Variants in ZBTB25 observed in about 807,000 individuals in gnomAD.
The protein encoded by ZBTB25 is zinc finger and BTB domain-containing protein 25.
A neutral mutation model predicts 34.2 loss-of-function variants in ZBTB25; 20 were observed. The observed-to-expected ratio is 0.58, with a 90% confidence interval of 0.41 to 0.85. The LOEUF (loss-of-function observed/expected upper bound fraction) is 0.85, where lower values mean the gene tolerates loss of function less well. Among genes scored for constraint, ZBTB25 ranks in the 40% least tolerant of loss-of-function variants. The pLI is 0.00. For synonymous variants in ZBTB25, 175 were observed against 186.4 expected, an observed-to-expected ratio of 0.94 and a Z score of 0.50; for missense variants, 437 against 521.8, an observed-to-expected ratio of 0.84 and a Z score of 1.58.
At chr14:64,458,417 ATTTCT>A (rs2078509417) in intron 2 of ZBTB25, 4 of 806,194 alleles carry the variant, frequency 5.0e-6, no homozygotes, top group South Asian at 2.8e-5. Context: ...CTTTCAAAAC[ATTTCT>A]TTTCAGACTT....
chr14:64,490,621 G>A (rs1356647744), intron 1 of ZBTB25, 81 bp from the exon 2 acceptor site: 2 of 1,295,576 alleles, frequency 1.5e-6, no homozygotes, highest in Non-Finnish European at 2.1e-6. Context: ...ATTGTCTACA[G>A]TTCACACAAA....
chr14:64,487,985 C>T lies in ZBTB25; in HGVS notation c.246G>A (p.Thr82=), dbSNP rs147617886. 4,427 of 1,614,110 alleles carry T rather than the reference C, an allele frequency of 2.7e-3. 12 individuals are homozygous for T. Among genetic ancestry groups the T allele is most frequent in the Non-Finnish European group, 3.3e-3 (3,907 of 1,180,024 alleles). ...CCACAATCTGTTTTGGCCCTTTCCC[C>T]GTGTACATAATGTGCAACAAATAGC... ...IFSYLLHIMY[T]GKGPKQIVDH... The change falls in exon 3 of 3, where the codon ACG becomes ACA. Residue 82 remains threonine (T), a synonymous_variant. Coordinates refer to ENST00000608382, the MANE Select transcript of ZBTB25 (RefSeq NM_006977.5).
chr14:64,465,025 C>T (rs557078008), intron 2 of ZBTB25, among the ~76,000 whole-genome samples: 1 of 152,200 alleles, frequency 6.6e-6, no homozygotes, highest in Non-Finnish European at 1.5e-5. Flanking sequence ...ATGTAATTTT[C>T]GCTTCAAACA....
chr14:64,496,791 T>G (rs1261360843), intron 1 of ZBTB25, among the ~76,000 whole-genome samples: 1 of 152,222 alleles, frequency 6.6e-6, no homozygotes, highest in East Asian at 1.9e-4. Flanking sequence ...TGAGAATCTG[T>G]TCTTACATAA....
At chr14:64,477,482 C>A, downstream of ZBTB25, among the ~76,000 whole-genome samples, 1 of 152,164 alleles carries the variant, frequency 6.6e-6, no homozygotes, top group East Asian at 1.9e-4. Flanking sequence ...CACCACCAGA[C>A]AGCACACATG....
intron 2 of ZBTB25, chr14:64,455,318 T>C (rs1566579305): frequency 1.2e-5 from 2 of 168,498 alleles, no homozygotes; most frequent in African/African-American, 4.8e-5. Flanking sequence ...AGGGGGTTCA[T>C]TATTTTTAAG....
intron 1 of ZBTB25, among the ~76,000 whole-genome samples, chr14:64,496,880 T>A (rs1412495742): frequency 6.6e-6 from 1 of 152,182 alleles, no homozygotes; most frequent in Non-Finnish European, 1.5e-5. Context: ...ACACTATCTT[T>A]TTTTCTTTTA....
intron 1 of ZBTB25, among the ~76,000 whole-genome samples, chr14:64,497,649 A>C (rs776774564): frequency 3.3e-5 from 5 of 152,178 alleles, no homozygotes; most frequent in Non-Finnish European, 7.3e-5. Flanking sequence ...GATTGTAGTA[A>C]CTCTGGATTA....
At chr14:64,457,230 A>G (rs1422161636) in intron 2 of ZBTB25, among the ~76,000 whole-genome samples, 1 of 152,202 alleles carries the variant, frequency 6.6e-6, no homozygotes, top group Non-Finnish European at 1.5e-5. Flanking sequence ...TCAGCTAGCA[A>G]GACTGAACGA....
At chr14:64,476,284 A>C (rs927685015), downstream of ZBTB25, among the ~76,000 whole-genome samples, 1 of 152,272 alleles carries the variant, frequency 6.6e-6, no homozygotes, top group African/African-American at 2.4e-5. Flanking sequence ...TAAGAACTTT[A>C]GAATATCACT....
At chr14:64,496,908 G>A (rs1347396641) in intron 1 of ZBTB25, among the ~76,000 whole-genome samples, 1 of 152,154 alleles carries the variant, frequency 6.6e-6, no homozygotes, top group African/African-American at 2.4e-5. Context: ...TGAGGTAGTA[G>A]AGCAGGTACT....
chr14:64,473,700 A>G (rs747117035), downstream of ZBTB25: 5 of 167,024 alleles, frequency 3.0e-5, no homozygotes, highest in African/African-American at 7.2e-5. Flanking sequence ...TGTCAACTTT[A>G]TTGAAATATG....
rs766459062 is a variant in ZBTB25 at position 64,478,720 on chromosome 14, C to A, written c.*8203G>T. 7 of 152,164 alleles carry A rather than the reference C, an allele frequency of 4.6e-5. No individual in the cohort carries two copies. Among genetic ancestry groups the A allele is most frequent in the Admixed American group, 2.6e-4 (4 of 15,282 alleles). 9.4% of individuals were successfully genotyped at this position (152,164 alleles called of 1,614,324 possible). On this transcript the variant is annotated 3_prime_UTR_variant, in exon 3 of 3. Transcript: ENST00000608382. ...AGAGGGATGTCAAGATATTGCAGTA[C>A]CTTATGAAATTTTAAGAAAATTCTC...
chr14:64,449,711 C>T (rs1297481862), intron 2 of ZBTB25: 1 of 1,455,984 alleles, frequency 6.9e-7, no homozygotes, highest in Non-Finnish European at 9.4e-7. Context: ...GAGCCCCATG[C>T]TTCGCAGCTT....
Position 64,502,930 on chromosome 14 carries a change from C to T in ZBTB25, c.-8+731G>A, listed in dbSNP as rs545709158. On this transcript the variant is annotated intron_variant, in intron 1 of 2. Coordinates refer to ENST00000608382, the MANE Select transcript of ZBTB25 (RefSeq NM_006977.5). The stretch of plus-strand genomic sequence containing the variant: ...CAGAATCTTGTGAGAGGATCAACAG[C>T]TCTGCCAGGACTTGAGTCTCAAGAG... The T allele has an allele frequency of 2.8e-5, 28 of 985,458 alleles. No homozygotes were observed. The South Asian group carries it at 1.2e-3, about 43-fold the overall frequency. 61.0% of individuals were successfully genotyped at this position (985,458 alleles called of 1,614,324 possible). A position where few individuals can be genotyped will look rare whatever the true frequency, so the allele number is the denominator to read the frequency against.
At chr14:64,451,324 G>A (rs2078369251) in intron 2 of ZBTB25, among the ~76,000 whole-genome samples, 1 of 152,024 alleles carries the variant, frequency 6.6e-6, no homozygotes, top group Non-Finnish European at 1.5e-5. Context: ...GCCTGGCCTG[G>A]CTTGGTTTTT....
chr14:64,471,992 C>G (rs977306774), intron 2 of ZBTB25: 2 of 166,252 alleles, frequency 1.2e-5, no homozygotes, highest in Non-Finnish European at 2.9e-5. Context: ...AAAAATATTT[C>G]CCCCAGATTT....
chr14:64,474,306 T>C (rs574745174), downstream of ZBTB25: 3 of 167,202 alleles, frequency 1.8e-5, no homozygotes, highest in East Asian at 5.8e-4. Context: ...GTGTTACATA[T>C]TTATAGTAGT....
Position 64,485,583 on chromosome 14 carries a change from T to C in ZBTB25, c.*1340A>G, listed in dbSNP as rs2078849306. 5.1e-6 allele frequency: 5 copies of C among 985,194 alleles called. No homozygotes were observed. Among genetic ancestry groups the C allele is most frequent in the Non-Finnish European group, 6.0e-6 (5 of 829,844 alleles). 61.0% of individuals were successfully genotyped at this position (985,194 alleles called of 1,614,324 possible). The stretch of plus-strand genomic sequence containing the variant: ...TATAAAAGAGAGTTAAGTTGATTTA[T>C]AGAGGAAAAGCTAACATCATGGATC... On this transcript the variant is annotated 3_prime_UTR_variant, in exon 3 of 3. Transcript: ENST00000608382.
Sources: gnomAD v4.1 joint callset for allele counts (sites outside exome capture counted in the v4.1 genomes callset) on GRCh38, gnomAD v4.1.1 for gene constraint, MANE v1.5 for transcripts, NCBI Gene and HGNC (gene_info 2026-07-23, HGNC 2026-07-21) for gene names.